Variants in USP34 observed in about 807,000 individuals in gnomAD.
The protein encoded by USP34 is ubiquitin carboxyl-terminal hydrolase 34.
In USP34, 70 loss-of-function variants were observed where a neutral mutation model predicts 460.3. That is an observed-to-expected ratio of 0.15 (90% confidence interval 0.13 to 0.19). USP34 has a LOEUF of 0.19. Ranked by LOEUF, USP34 falls within the 10% of genes least tolerant of loss-of-function variation. The probability of loss-of-function intolerance (pLI) is 1.00; values close to 1 mark genes in which losing one functional copy is unlikely to be tolerated. For synonymous variants in USP34, 1,647 were observed against 1,405.3 expected (o/e 1.17, Z -3.85); for missense variants, 3,985 against 4,236.2 (o/e 0.94, Z 1.65).
At chr2:61,327,553 G>T (rs17541618) in intron 20 of USP34, among the ~76,000 whole-genome samples, 1 of 152,176 alleles carries the variant, frequency 6.6e-6, no homozygotes, top group South Asian at 2.1e-4. Context: ...TTGTCTATGG[G>T]ACATCAATCA....
At position 61,187,759 on chromosome 2, in the gene USP34, C is replaced by T. The variant is rs1363609897; in HGVS notation, c.*343G>A. 5.5e-6 allele frequency: 3 copies of T among 548,698 alleles called. No homozygotes were observed. Among genetic ancestry groups the T allele is most frequent in the Non-Finnish European group, 4.9e-6 (2 of 407,350 alleles). The allele number at this position is 548,698 out of a possible 1,614,324, so 34.0% of individuals were successfully genotyped here. The stretch of plus-strand genomic sequence containing the variant: ...GGTACAAAACTGGCACAGAGGACAC[C>T]ATATCATACACAGTAAAAATGCTGT... On this transcript the variant is annotated 3_prime_UTR_variant, in exon 80 of 80. Transcript: ENST00000398571.
intron 76 of USP34, 93 bp from the exon 77 acceptor site, chr2:61,190,751 T>TTC: frequency 6.9e-7 from 1 of 1,442,862 alleles, no homozygotes; most frequent in Non-Finnish European, 9.2e-7. Context: ...TACACTTGTG[T>TTC]ATGATGGAAT....
chr2:61,238,648 A>G (rs116201585), intron 53 of USP34, among the ~76,000 whole-genome samples: 1 of 152,354 alleles, frequency 6.6e-6, no homozygotes, highest in African/African-American at 2.4e-5. Context: ...ATTCATGTAC[A>G]CAGTATTTTA....
intron 23 of USP34, among the ~76,000 whole-genome samples, chr2:61,317,255 G>A (rs1396334522): frequency 6.6e-6 from 1 of 152,006 alleles, no homozygotes; most frequent in Non-Finnish European, 1.5e-5. Flanking sequence ...GGCTGAGCAC[G>A]TTGGCTCATG....
chr2:61,364,597 A>G (rs1165476596), intron 10 of USP34, among the ~76,000 whole-genome samples: 3 of 152,208 alleles, frequency 2.0e-5, no homozygotes, highest in African/African-American at 7.2e-5. Context: ...ACTATAAAAT[A>G]AAAGGAAAAT....
At chr2:61,221,359 G>A (rs1265942580) in intron 66 of USP34, 143 bp downstream of exon 66, 1 of 675,498 alleles carries the variant, frequency 1.5e-6, no homozygotes, top group Admixed American at 3.1e-5. Context: ...GACTAGCTAG[G>A]AACTCTTTTC....
rs763862792 is a variant in USP34 at position 61,370,422 on chromosome 2, G to T, written c.1159-9C>A. ...TGGCACTGTTTGATAATCTGGAAAAGAAAAACTTAATATCAATTTTTAAAA... is the reference window on the plus strand; with the variant it reads ...TGGCACTGTTTGATAATCTGGAAAATAAAAACTTAATATCAATTTTTAAAA... On this transcript the variant is annotated splice_polypyrimidine_tract_variant and intron_variant, in intron 9 of 79. Coordinates refer to ENST00000398571, the MANE Select transcript of USP34 (RefSeq NM_014709.4). 6.2e-7 allele frequency: 1 copy of T among 1,613,438 alleles called. No homozygotes were observed. The highest frequency in any genetic ancestry group is 8.5e-7 in the Non-Finnish European group (1 of 1,179,860).
At chr2:61,313,650 G>A (rs536674850) in intron 25 of USP34, among the ~76,000 whole-genome samples, 1 of 152,064 alleles carries the variant, frequency 6.6e-6, no homozygotes, top group Non-Finnish European at 1.5e-5. Context: ...AAGGCAGTAA[G>A]AAGTTTCTGT....
intron 43 of USP34, among the ~76,000 whole-genome samples, chr2:61,262,910 A>G (rs1366980395): frequency 2.6e-5 from 4 of 152,012 alleles, no homozygotes; most frequent in Non-Finnish European, 4.4e-5. Context: ...ACTGTGGTTT[A>G]GTTTTGTATT....
chr2:61,360,481 C>T (rs954388531), intron 10 of USP34, among the ~76,000 whole-genome samples: 5 of 152,084 alleles, frequency 3.3e-5, no homozygotes, highest in African/African-American at 9.7e-5. Context: ...TAGAAATAAA[C>T]TTAGCCAAAG....
At chr2:61,245,347 G>T in intron 50 of USP34, 59 bp from the exon 51 acceptor site, 2 of 1,001,744 alleles carry the variant, frequency 2.0e-6, no homozygotes, top group Non-Finnish European at 2.8e-6. Context: ...TTCATATTAT[G>T]TCTACTATTT....
At chr2:61,469,386 G>T (rs1695879944) in intron 1 of USP34, among the ~76,000 whole-genome samples, 1 of 152,074 alleles carries the variant, frequency 6.6e-6, no homozygotes, top group African/African-American at 2.4e-5. Flanking sequence ...TAAACCGCCT[G>T]CGCCAGAAAT....
intron 41 of USP34, among the ~76,000 whole-genome samples, chr2:61,266,865 C>G (rs991464764): frequency 6.6e-6 from 1 of 152,152 alleles, no homozygotes; most frequent in Non-Finnish European, 1.5e-5. Context: ...GTAAACAGCT[C>G]CCTACATTGA....
intron 3 of USP34, among the ~76,000 whole-genome samples, chr2:61,402,265 G>T (rs958552311): frequency 6.6e-6 from 1 of 152,058 alleles, no homozygotes; most frequent in African/African-American, 2.4e-5. Flanking sequence ...GGGAGACAGA[G>T]CAAGACCCTG....
intron 8 of USP34, among the ~76,000 whole-genome samples, chr2:61,373,967 C>A (rs1692712526): frequency 6.6e-6 from 1 of 152,042 alleles, no homozygotes; most frequent in African/African-American, 2.4e-5. Context: ...CCAGCCCGAC[C>A]AACATGGTGA....
intron 38 of USP34, 148 bp downstream of exon 38, chr2:61,280,942 C>T: frequency 3.7e-6 from 3 of 803,732 alleles, no homozygotes; most frequent in Non-Finnish European, 5.8e-6. Context: ...ATGCTGTCAC[C>T]TTAAGTAGTA....
At chr2:61,248,469 T>C (rs1474371557) in intron 49 of USP34, 42 bp downstream of exon 49, 71 of 1,497,522 alleles carry the variant, frequency 4.7e-5, no homozygotes, top group East Asian at 6.9e-5. Context: ...GTTATGGAGA[T>C]TGACAATAAT....
chr2:61,436,521 C>A (rs557873299), intron 1 of USP34, among the ~76,000 whole-genome samples: 6 of 152,240 alleles, frequency 3.9e-5, no homozygotes, highest in African/African-American at 1.2e-4. Context: ...ATTGTAAATA[C>A]ACACGCAACC....
At chr2:61,246,642 A>G (rs1572868072) in intron 49 of USP34, among the ~76,000 whole-genome samples, 165 bp from the exon 50 acceptor site, 1 of 152,310 alleles carries the variant, frequency 6.6e-6, no homozygotes, top group East Asian at 1.9e-4. Flanking sequence ...CTTTTATAAT[A>G]AACTTTATTT....
Sources: allele counts gnomAD v4.1 joint callset (sites outside exome capture counted in the v4.1 genomes callset), GRCh38; gene constraint gnomAD v4.1.1; transcripts MANE v1.5; gene names NCBI Gene and HGNC (gene_info 2026-07-23, HGNC 2026-07-21).